CAMKMT: variants seen among roughly 807,000 people sequenced by gnomAD.
The protein encoded by CAMKMT is CaM KMT.
CAMKMT carries 53 observed loss-of-function variants against 48.0 expected under a neutral mutation model. The observed-to-expected ratio is 1.10, with a 90% CI of 0.89 to 1.39. CAMKMT has a LOEUF of 1.39. Among genes scored for constraint, CAMKMT ranks in the 40% most tolerant of loss-of-function variants. CAMKMT has a pLI of 0.00. For synonymous variants in CAMKMT, 165 were observed against 152.3 expected (o/e 1.08, Z -0.61); for missense variants, 428 against 402.7 (o/e 1.06, Z -0.54).
Position 44,618,710 on chromosome 2 carries a change from A to G in CAMKMT, c.377-85573A>G, listed in dbSNP as rs1672022214. ...TTTATGTGTAGTTGTCATGCTTAAA[A>G]TATTCATATGAAGGTTTGAAATATT... On this transcript the variant is annotated intron_variant, in intron 3 of 10. Coordinates refer to ENST00000378494, the MANE Select transcript of CAMKMT (RefSeq NM_024766.5). The surrounding 1 kb of genome is among the most constrained non-coding windows in gnomAD (Gnocchi z 4.0). 6.6e-6 allele frequency among the ~76,000 whole-genome samples: 1 copy of G among 152,228 alleles called. No individual in the cohort carries two copies. Among genetic ancestry groups the G allele is most frequent in the South Asian group, 2.1e-4 (1 of 4,836 alleles).
intron 1 of CAMKMT, among the ~76,000 whole-genome samples, chr2:44,362,878 C>A (rs1308947990): frequency 6.6e-6 from 1 of 152,208 alleles, no homozygotes; most frequent in South Asian, 2.1e-4. Context: ...TGATCACTCA[C>A]ATTCTTCGCT....
At chr2:44,525,087 T>TG (rs1671333937) in intron 3 of CAMKMT, among the ~76,000 whole-genome samples, 1 of 152,172 alleles carries the variant, frequency 6.6e-6, no homozygotes, top group African/African-American at 2.4e-5. Context: ...ACGTTAGTAG[T>TG]TATAGTAGTA....
chr2:44,477,249 G>A (rs1393267872), intron 3 of CAMKMT, among the ~76,000 whole-genome samples: 1 of 152,118 alleles, frequency 6.6e-6, no homozygotes, highest in Non-Finnish European at 1.5e-5. Flanking sequence ...TCATAGTAGA[G>A]CAAACCCATG....
chr2:44,546,154 G>GACGGAC (rs1553412630), intron 3 of CAMKMT, among the ~76,000 whole-genome samples: 1 of 129,084 alleles, frequency 7.7e-6, no homozygotes, highest in African/African-American at 3.1e-5. Flanking sequence ...AGACTGCTAG[G>GACGGAC]ACACACACAC....
chr2:44,577,955 T>C (rs1294649161), intron 3 of CAMKMT, among the ~76,000 whole-genome samples: 2 of 152,242 alleles, frequency 1.3e-5, no homozygotes, highest in Non-Finnish European at 2.9e-5. Flanking sequence ...AGTTTATTAT[T>C]CTTCATCCAA....
chr2:44,736,141 A>G (rs1190540496), intron 7 of CAMKMT, among the ~76,000 whole-genome samples: 1 of 152,108 alleles, frequency 6.6e-6, no homozygotes, highest in African/African-American at 2.4e-5. Context: ...GTACATTTCC[A>G]TCTGATATAA....
At chr2:44,376,063 C>T (rs1053950830) in intron 2 of CAMKMT, among the ~76,000 whole-genome samples, 3 of 150,290 alleles carry the variant, frequency 2.0e-5, no homozygotes, top group African/African-American at 7.3e-5. Flanking sequence ...GCTGGGATTA[C>T]AGGTGTGAGC....
chr2:44,486,234 T>G (rs771901833), intron 3 of CAMKMT, among the ~76,000 whole-genome samples: 61 of 152,200 alleles, frequency 4.0e-4, no homozygotes, highest in Non-Finnish European at 2.5e-4. Flanking sequence ...CCCAAAGTGC[T>G]GGGATTACAG....
intron 7 of CAMKMT, among the ~76,000 whole-genome samples, chr2:44,729,025 A>T (rs947867715): frequency 4.2e-4 from 63 of 149,330 alleles, no homozygotes; most frequent in African/African-American, 1.3e-3. Flanking sequence ...TGTTTTTTTA[A>T]AAAAAAAAAG....
At chr2:44,696,739 T>G (rs888119984) in intron 3 of CAMKMT, among the ~76,000 whole-genome samples, 1 of 152,074 alleles carries the variant, frequency 6.6e-6, no homozygotes, top group African/African-American at 2.4e-5. Context: ...GGGAAGCTTT[T>G]AATGTGACAG....
chr2:44,426,049 C>T (rs1304308681), intron 3 of CAMKMT, among the ~76,000 whole-genome samples: 2 of 152,206 alleles, frequency 1.3e-5, no homozygotes, highest in African/African-American at 2.4e-5. Flanking sequence ...ATCTTTTAAG[C>T]AGAAAACTTA....
chr2:44,688,511 T>G, intron 3 of CAMKMT, among the ~76,000 whole-genome samples: 1 of 152,016 alleles, frequency 6.6e-6, no homozygotes, highest in South Asian at 2.1e-4. Flanking sequence ...TATATACATA[T>G]ATATATATTT....
chr2:44,469,233 C>G (rs1668288052), intron 3 of CAMKMT, among the ~76,000 whole-genome samples: 2 of 151,592 alleles, frequency 1.3e-5, no homozygotes, highest in East Asian at 1.9e-4. Flanking sequence ...CATACTGTAT[C>G]CATAAATGTG....
intron 3 of CAMKMT, among the ~76,000 whole-genome samples, chr2:44,561,460 T>C (rs1668320203): frequency 6.6e-6 from 1 of 152,242 alleles, no homozygotes; most frequent in Non-Finnish European, 1.5e-5. Context: ...TTCATCACTA[T>C]GAATTGATAA....
At chr2:44,600,661 T>C (rs980753162) in intron 3 of CAMKMT, among the ~76,000 whole-genome samples, 1 of 152,248 alleles carries the variant, frequency 6.6e-6, no homozygotes, top group African/African-American at 2.4e-5. Flanking sequence ...TCAGTTAACA[T>C]ATACAGATAC....
intron 3 of CAMKMT, chr2:44,456,421 CT>C (rs1292997735): frequency 1.1e-5 from 11 of 963,738 alleles, no homozygotes; most frequent in Non-Finnish European, 1.6e-5. Flanking sequence ...ATATTTAGGT[CT>C]TTTAGCCCTC....
chr2:44,616,165 C>T (rs1255905874), intron 3 of CAMKMT, among the ~76,000 whole-genome samples: 1 of 152,212 alleles, frequency 6.6e-6, no homozygotes, highest in Admixed American at 6.5e-5. Flanking sequence ...GTCTCTTGAA[C>T]TGTGCAGCAG....
At chr2:44,560,767 G>A (rs1434336479) in intron 3 of CAMKMT, among the ~76,000 whole-genome samples, 2 of 152,164 alleles carry the variant, frequency 1.3e-5, no homozygotes, top group African/African-American at 4.8e-5. Context: ...TTCCCTGGCA[G>A]CTCCCCCATT....
intron 2 of CAMKMT, among the ~76,000 whole-genome samples, chr2:44,375,812 G>T (rs1679630036): frequency 6.6e-6 from 1 of 151,836 alleles, no homozygotes; most frequent in South Asian, 2.1e-4. Context: ...TAGAGAAGGA[G>T]TCTCAATCTG....
Sources: gnomAD v4.1 joint callset for allele counts (sites outside exome capture counted in the v4.1 genomes callset) on GRCh38, gnomAD v4.1.1 for gene constraint, Gnocchi (gnomAD v3.1) non-coding constraint, MANE v1.5 for transcripts, NCBI Gene and HGNC (gene_info 2026-07-23, HGNC 2026-07-21) for gene names.